CAB39: variants seen among roughly 807,000 people sequenced by gnomAD.
CAB39 encodes calcium-binding protein 39.
A neutral mutation model predicts 40.0 loss-of-function variants in CAB39; 8 were observed. The ratio of observed to expected loss-of-function variants is 0.20; its 90% CI spans 0.12 to 0.36. The LOEUF (loss-of-function observed/expected upper bound fraction) is 0.36. CAB39 is among the 10% of genes least tolerant of loss of function. The pLI is 1.00. For missense variants in CAB39, 270 were observed against 401.1 expected, an observed-to-expected ratio of 0.67 and a Z score of 2.79; for synonymous variants, 156 against 141.6, an observed-to-expected ratio of 1.10 and a Z score of -0.72.
chr2:230,817,914 A>G lies in CAB39; in HGVS notation c.837+17A>G, dbSNP rs774292932. 6 of 1,603,074 alleles carry G rather than the reference A, an allele frequency of 3.7e-6. No homozygotes were observed. The South Asian group carries it at 4.5e-5, about 12-fold the overall frequency. ...GTTTTTAAGGTAGAGTACTAGAAGCATCAGTGATACTGTCCACTGGAATTG... is the reference window on the plus strand; with the variant it reads ...GTTTTTAAGGTAGAGTACTAGAAGCGTCAGTGATACTGTCCACTGGAATTG... On this transcript the variant is annotated intron_variant, in intron 8 of 8. Coordinates refer to ENST00000258418, the MANE Select transcript of CAB39 (RefSeq NM_016289.4).
intron 1 of CAB39, among the ~76,000 whole-genome samples, chr2:230,740,868 C>A (rs769314758): frequency 6.6e-6 from 1 of 152,180 alleles, no homozygotes. Context: ...GCTTCCTATG[C>A]AACATGTACA....
intron 1 of CAB39, among the ~76,000 whole-genome samples, chr2:230,715,329 G>A (rs923640073): frequency 6.6e-6 from 1 of 152,224 alleles, no homozygotes; most frequent in African/African-American, 2.4e-5. Context: ...CTTGTTTGAA[G>A]TATGTTTCTT....
At chr2:230,787,017 A>C (rs1695805651) in intron 2 of CAB39, among the ~76,000 whole-genome samples, 1 of 152,132 alleles carries the variant, frequency 6.6e-6, no homozygotes, top group Non-Finnish European at 1.5e-5. Context: ...ATTGATACTG[A>C]GGGGGATTAT....
intron 1 of CAB39, among the ~76,000 whole-genome samples, chr2:230,733,814 C>T (rs1694737519): frequency 6.6e-6 from 1 of 152,214 alleles, no homozygotes; most frequent in Admixed American, 6.5e-5. Flanking sequence ...AGGAGTTTCA[C>T]AAGATCGTTT....
intron 1 of CAB39, among the ~76,000 whole-genome samples, chr2:230,724,479 C>T (rs563942008): frequency 2.6e-4 from 40 of 151,758 alleles, no homozygotes; most frequent in African/African-American, 8.9e-4. Flanking sequence ...GTCAGGAGTT[C>T]GAGACCAGCC....
chr2:230,721,646 TAGAG>T (rs952869057), intron 1 of CAB39, among the ~76,000 whole-genome samples: 3 of 152,176 alleles, frequency 2.0e-5, no homozygotes, highest in Non-Finnish European at 2.9e-5. Context: ...CTGCCAGTCT[TAGAG>T]AGATTAGTTG....
chr2:230,723,901 T>A (rs1694502193), intron 1 of CAB39, among the ~76,000 whole-genome samples: 1 of 152,174 alleles, frequency 6.6e-6, no homozygotes, highest in Non-Finnish European at 1.5e-5. Context: ...GTTGCTGAAA[T>A]AAGAGGTTCC....
At chr2:230,761,429 G>A (rs754739849) in intron 2 of CAB39, among the ~76,000 whole-genome samples, 2 of 152,110 alleles carry the variant, frequency 1.3e-5, no homozygotes, top group Non-Finnish European at 2.9e-5. Context: ...GAGTGTGATG[G>A]TACTGGAACT....
chr2:230,818,490 C>A, intron 8 of CAB39, 26 bp from the exon 9 acceptor site: 1 of 1,601,072 alleles, frequency 6.2e-7, no homozygotes, highest in African/African-American at 1.3e-5. Context: ...TTTCTCTGTG[C>A]CTCATGTGCG....
chr2:230,769,708 GTGGCTCA>G (rs1221915335), intron 2 of CAB39, among the ~76,000 whole-genome samples: 1 of 152,128 alleles, frequency 6.6e-6, no homozygotes, highest in African/African-American at 2.4e-5. Flanking sequence ...GCTGGACATA[GTGGCTCA>G]TGCCTGTCAT....
At chr2:230,749,096 T>C (rs898270841) in intron 1 of CAB39, among the ~76,000 whole-genome samples, 1 of 150,430 alleles carries the variant, frequency 6.6e-6, no homozygotes, top group Admixed American at 6.6e-5. Flanking sequence ...TTAGTATTAT[T>C]ATAATTTTAA....
At chr2:230,782,805 CTTTCTTTCTTTTT>C (rs1559609022) in intron 2 of CAB39, among the ~76,000 whole-genome samples, 1 of 108,442 alleles carries the variant, frequency 9.2e-6, no homozygotes, top group African/African-American at 5.6e-5. Flanking sequence ...TTCTTTCTTT[CTTTCTTTCTTTTT>C]TTTTTTTTTT....
intron 5 of CAB39, 26 bp downstream of exon 5, chr2:230,798,923 T>TA: frequency 6.4e-7 from 1 of 1,555,522 alleles, no homozygotes; most frequent in African/African-American, 1.4e-5. Flanking sequence ...GAATTCTAAA[T>TA]ATCCTTGAAA....
At chr2:230,803,955 C>T (rs181855930) in intron 5 of CAB39, among the ~76,000 whole-genome samples, 1 of 152,046 alleles carries the variant, frequency 6.6e-6, no homozygotes, top group African/African-American at 2.4e-5. Context: ...ATCGTAAGCA[C>T]AAAGAACAAA....
At chr2:230,720,610 C>T (rs1694431890) in intron 1 of CAB39, among the ~76,000 whole-genome samples, 1 of 152,138 alleles carries the variant, frequency 6.6e-6, no homozygotes, top group South Asian at 2.1e-4. Context: ...TAATTTTAGA[C>T]GGGGTTTCAC....
intron 1 of CAB39, among the ~76,000 whole-genome samples, chr2:230,744,445 C>T (rs1694938139): frequency 6.6e-6 from 1 of 152,180 alleles, no homozygotes; most frequent in South Asian, 2.1e-4. Flanking sequence ...AAGCACGTGA[C>T]ACCATGCCCA....
At chr2:230,721,361 G>A (rs1694449983) in intron 1 of CAB39, among the ~76,000 whole-genome samples, 3 of 152,220 alleles carry the variant, frequency 2.0e-5, no homozygotes, top group Admixed American at 1.3e-4. Flanking sequence ...AGCCCTGGGG[G>A]TGGAGGTTGC....
intron 2 of CAB39, among the ~76,000 whole-genome samples, chr2:230,770,253 AAC>A (rs1312715016): frequency 6.6e-6 from 1 of 152,226 alleles, no homozygotes; most frequent in Non-Finnish European, 1.5e-5. Flanking sequence ...GGAGGAAGAA[AAC>A]ACAAATTCCC....
chr2:230,732,508 A>G (rs1031693013), intron 1 of CAB39, among the ~76,000 whole-genome samples: 1 of 152,186 alleles, frequency 6.6e-6, no homozygotes, highest in Non-Finnish European at 1.5e-5. Flanking sequence ...CTACAGACAT[A>G]ATCTGTTATT....
Sources: gnomAD v4.1 joint callset for allele counts (sites outside exome capture counted in the v4.1 genomes callset) on GRCh38, gnomAD v4.1.1 for gene constraint, MANE v1.5 for transcripts, NCBI Gene and HGNC (gene_info 2026-07-23, HGNC 2026-07-21) for gene names.